The following ROR2 variants were observed in gnomAD, a reference collection of about 807,000 sequenced individuals.
ROR2 encodes the protein tyrosine-protein kinase transmembrane receptor ROR2.
A neutral mutation model predicts 74.9 loss-of-function variants in ROR2; 33 were observed. The observed-to-expected ratio is 0.44, with a 90% CI of 0.33 to 0.59. The LOEUF is 0.59. Ranked by LOEUF, ROR2 falls within the 20% of genes least tolerant of loss-of-function variation. ROR2 has a pLI of 0.02. For missense variants in ROR2, 1,216 were observed against 1,313.8 expected (o/e 0.93, Z 1.15); for synonymous variants, 586 against 558.7 (o/e 1.05, Z -0.69).
At position 91,827,444 on chromosome 9, in the gene ROR2, C is replaced by T. The variant is rs571583974; in HGVS notation, c.98-51626G>A. ...AATAAATAAACATTTCTCTATGTAG[C>T]TTATGAAATCTACTTAAGTATTTTC... On this transcript the variant is annotated intron_variant, in intron 1 of 8. Transcript: ENST00000375708. 1.2e-4 allele frequency among the ~76,000 whole-genome samples: 18 copies of T among 152,248 alleles called. No homozygotes were observed. In the South Asian group the frequency reaches 1.2e-3, roughly 11 times the overall value.
At position 91,793,761 on chromosome 9, in the gene ROR2, CAA is replaced by C. The variant is rs58120050; in HGVS notation, c.98-17945_98-17944del. ...CGGGCGACAGTGTGAGACTCCGTTT[CAA>C]AAAAAAAAAAAAAGACACAAAGAGT... On this transcript the variant is annotated intron_variant, in intron 1 of 8. Transcript: ENST00000375708. Among the ~76,000 whole-genome samples, 319 of 81,962 alleles carry C rather than the reference CAA, an allele frequency of 3.9e-3. 2 individuals carry two copies. Among genetic ancestry groups the C allele is most frequent in the African/African-American group, 9.4e-3 (289 of 30,782 alleles). 53.8% of individuals were successfully genotyped at this position (81,962 alleles called of 152,430 possible). A position where few individuals can be genotyped will look rare whatever the true frequency, so the allele number is the denominator to read the frequency against.
intron 1 of ROR2, among the ~76,000 whole-genome samples, chr9:91,822,087 T>A (rs543273696): frequency 6.6e-6 from 1 of 152,192 alleles, no homozygotes; most frequent in South Asian, 2.1e-4. Context: ...TTGACCCAAA[T>A]CGGGATGAGA....
chr9:91,922,683 G>T (rs1831302909), intron 1 of ROR2, among the ~76,000 whole-genome samples: 1 of 152,120 alleles, frequency 6.6e-6, no homozygotes, highest in Non-Finnish European at 1.5e-5. Flanking sequence ...TCGATCTCCT[G>T]ACCTCGTGAT....
At chr9:91,862,317 G>A (rs1355849010) in intron 1 of ROR2, among the ~76,000 whole-genome samples, 2 of 151,928 alleles carry the variant, frequency 1.3e-5, no homozygotes, top group East Asian at 1.9e-4. Context: ...GTGACAGAGC[G>A]AGACTCCATC....
intron 1 of ROR2, among the ~76,000 whole-genome samples, chr9:91,917,283 A>G (rs1247619281): frequency 2.6e-5 from 4 of 152,104 alleles, no homozygotes; most frequent in African/African-American, 9.7e-5. Flanking sequence ...TTTGGCCAAT[A>G]CCATCTAAAA....
intron 1 of ROR2, among the ~76,000 whole-genome samples, chr9:91,906,619 C>G (rs540720996): frequency 2.6e-5 from 4 of 152,152 alleles, no homozygotes; most frequent in Non-Finnish European, 4.4e-5. Flanking sequence ...TTTGTTCTTT[C>G]GTTGTTGTTA....
chr9:91,906,994 C>T (rs1020473170), intron 1 of ROR2, among the ~76,000 whole-genome samples: 1 of 152,142 alleles, frequency 6.6e-6, no homozygotes, highest in African/African-American at 2.4e-5. Context: ...CCACTCTCCA[C>T]CCCCAGCACA....
chr9:91,862,292 T>C (rs1338384355), intron 1 of ROR2, among the ~76,000 whole-genome samples: 2 of 151,510 alleles, frequency 1.3e-5, no homozygotes, highest in East Asian at 3.9e-4. Context: ...ATCACGCCAC[T>C]GCACTCCAGC....
intron 4 of ROR2, among the ~76,000 whole-genome samples, 178 bp from the exon 5 acceptor site, chr9:91,737,696 G>A (rs1825082392): frequency 6.6e-6 from 1 of 152,116 alleles, no homozygotes. Context: ...AATGTTTATG[G>A]CAGCTTTATT....
intron 2 of ROR2, among the ~76,000 whole-genome samples, chr9:91,771,193 G>A (rs538515899): frequency 3.3e-5 from 5 of 152,350 alleles, no homozygotes; most frequent in Non-Finnish European, 7.3e-5. Flanking sequence ...TGTGGACGAG[G>A]AGCAGCTCTT....
At chr9:91,793,739 G>A (rs1461600732) in intron 1 of ROR2, among the ~76,000 whole-genome samples, 1 of 149,970 alleles carries the variant, frequency 6.7e-6, no homozygotes, top group Non-Finnish European at 1.5e-5. Context: ...TCCAGCCCGG[G>A]CGACAGTGTG....
At chr9:91,921,641 A>T (rs957630052) in intron 1 of ROR2, among the ~76,000 whole-genome samples, 1 of 152,192 alleles carries the variant, frequency 6.6e-6, no homozygotes, top group Non-Finnish European at 1.5e-5. Flanking sequence ...AGGCGGGTGG[A>T]TTACTTGAGG....
chr9:91,893,758 T>A (rs967812976), intron 1 of ROR2, among the ~76,000 whole-genome samples: 1 of 152,080 alleles, frequency 6.6e-6, no homozygotes, highest in African/African-American at 2.4e-5. Context: ...CAATACTCCA[T>A]ACCACCCATC....
chr9:91,840,217 A>G (rs566165659), intron 1 of ROR2, among the ~76,000 whole-genome samples: 38 of 152,230 alleles, frequency 2.5e-4, no homozygotes, highest in Non-Finnish European at 5.0e-4. Flanking sequence ...AAGGACCAGC[A>G]GCTGCACAGG....
At chr9:91,807,392 C>G (rs1827603020) in intron 1 of ROR2, among the ~76,000 whole-genome samples, 1 of 152,244 alleles carries the variant, frequency 6.6e-6, no homozygotes, top group Non-Finnish European at 1.5e-5. Flanking sequence ...TTCCAGACCT[C>G]GCCCTGTGTA....
intron 1 of ROR2, chr9:91,923,638 C>A (rs2117879885): frequency 6.6e-6 from 1 of 152,320 alleles, no homozygotes; most frequent in Middle Eastern, 3.4e-3. Context: ...TACATTTTTT[C>A]TTTAGCAGTA....
intron 1 of ROR2, among the ~76,000 whole-genome samples, chr9:91,801,185 C>T (rs907391166): frequency 1.3e-5 from 2 of 152,182 alleles, no homozygotes; most frequent in Non-Finnish European, 2.9e-5. Flanking sequence ...GCCCAAACCC[C>T]TCTGTCTTGC....
intron 1 of ROR2, among the ~76,000 whole-genome samples, chr9:91,808,834 T>C (rs1266003922): frequency 6.6e-6 from 1 of 150,846 alleles, no homozygotes; most frequent in African/African-American, 2.4e-5. Flanking sequence ...ATAAAAAATA[T>C]ATACTAAAAA....
intron 1 of ROR2, among the ~76,000 whole-genome samples, chr9:91,831,332 G>T (rs1828459984): frequency 6.6e-6 from 1 of 152,040 alleles, no homozygotes; most frequent in Admixed American, 6.6e-5. Context: ...TTAAGAAAAA[G>T]AACACAAGCA....
Sources: allele counts gnomAD v4.1 joint callset (sites outside exome capture counted in the v4.1 genomes callset), GRCh38; gene constraint gnomAD v4.1.1; transcripts MANE v1.5; gene names NCBI Gene and HGNC (gene_info 2026-07-23, HGNC 2026-07-21).